The following VAV3 variants were observed in gnomAD, a reference collection of about 807,000 sequenced individuals.
VAV3 encodes guanine nucleotide exchange factor VAV3.
VAV3 carries 94 observed loss-of-function variants against 131.2 expected under a neutral mutation model. The ratio of observed to expected loss-of-function variants is 0.72; its 90% CI spans 0.61 to 0.85. The LOEUF (loss-of-function observed/expected upper bound fraction) is 0.85. Ranked by LOEUF, VAV3 falls within the 40% of genes least tolerant of loss-of-function variation. The pLI is 0.00. For missense variants in VAV3, 939 were observed against 1,002.7 expected, an observed-to-expected ratio of 0.94 and a Z score of 0.86; for synonymous variants, 349 against 342.0, an observed-to-expected ratio of 1.02 and a Z score of -0.22.
intron 15 of VAV3, among the ~76,000 whole-genome samples, chr1:107,722,709 TA>T (rs901787591): frequency 1.3e-5 from 2 of 152,154 alleles, no homozygotes; most frequent in African/African-American, 4.8e-5. Context: ...GGTGAGGTTC[TA>T]TGATGAAGAG....
At chr1:107,668,482 T>C (rs1020683840) in intron 19 of VAV3, among the ~76,000 whole-genome samples, 1 of 152,204 alleles carries the variant, frequency 6.6e-6, no homozygotes, top group East Asian at 1.9e-4. Flanking sequence ...AAATAAAGCA[T>C]GTAAAACCTC....
chr1:107,876,946 TG>T (rs1670530620), intron 1 of VAV3, among the ~76,000 whole-genome samples: 1 of 82,526 alleles, frequency 1.2e-5, no homozygotes, highest in Non-Finnish European at 3.1e-5. Context: ...TATCTTGGTT[TG>T]TTTTTTTAAT....
chr1:107,599,984 A>G (rs573536104), intron 24 of VAV3, among the ~76,000 whole-genome samples: 1 of 152,014 alleles, frequency 6.6e-6, no homozygotes, highest in South Asian at 2.1e-4. Flanking sequence ...CCTTCACACC[A>G]ATTAATCATC....
chr1:107,724,009 T>C (rs960972879), intron 15 of VAV3, among the ~76,000 whole-genome samples: 4 of 152,032 alleles, frequency 2.6e-5, no homozygotes, highest in Non-Finnish European at 5.9e-5. Context: ...AAGCAACTTG[T>C]CCAAGGCTCG....
At chr1:107,682,783 T>G (rs1210289050) in intron 19 of VAV3, among the ~76,000 whole-genome samples, 1 of 152,266 alleles carries the variant, frequency 6.6e-6, no homozygotes, top group African/African-American at 2.4e-5. Flanking sequence ...CCCCTTGGTT[T>G]ATCATCAAGT....
At chr1:107,584,798 T>C (rs990785861) in intron 25 of VAV3, among the ~76,000 whole-genome samples, 2 of 152,130 alleles carry the variant, frequency 1.3e-5, no homozygotes, top group Non-Finnish European at 2.9e-5. Flanking sequence ...GAAAACAAAC[T>C]AAGTATAAGG....
At position 107,965,030 on chromosome 1, in the gene VAV3, G is replaced by T; in HGVS notation, c.-161C>A. ...AGGAGCCGCGGCTGACGGGTCGCGG[G>T]CGCCGCGCTAGGCTCGGCTCCGGTC... is the stretch of plus-strand genomic sequence containing the variant. On this transcript the variant is annotated 5_prime_UTR_variant, in exon 1 of 27. Coordinates refer to ENST00000370056, the MANE Select transcript of VAV3 (RefSeq NM_006113.5). The T allele has an allele frequency of 2.3e-6, 1 of 437,050 alleles. No homozygotes were observed. Among genetic ancestry groups the T allele is most frequent in the Non-Finnish European group, 3.1e-6 (1 of 319,178 alleles). 27.1% of individuals were successfully genotyped at this position (437,050 alleles called of 1,614,324 possible).
chr1:107,880,880 T>C lies in VAV3; in HGVS notation c.205-5863A>G, dbSNP rs544125671. 2.0e-5 allele frequency among the ~76,000 whole-genome samples: 3 copies of C among 152,252 alleles called. No homozygotes were observed. The East Asian group carries it at 5.8e-4, about 29-fold the overall frequency. On this transcript the variant is annotated intron_variant, in intron 1 of 26. Transcript: ENST00000370056. ...TTTATGATTATTGGTGTTGTAGTGA[T>C]GTTTCGGTGCTTGCTATGTGTCAAG...
intron 18 of VAV3, among the ~76,000 whole-genome samples, chr1:107,687,169 T>TA (rs905461402): frequency 6.6e-6 from 1 of 152,102 alleles, no homozygotes; most frequent in South Asian, 2.1e-4. Context: ...TATGGCCTAT[T>TA]AAAAAAATCA....
chr1:107,747,227 G>A (rs1453172406), intron 15 of VAV3, among the ~76,000 whole-genome samples: 1 of 152,144 alleles, frequency 6.6e-6, no homozygotes, highest in Non-Finnish European at 1.5e-5. Context: ...TATGGCAACT[G>A]AACAAAATAG....
At chr1:107,950,569 A>G (rs1160753565) in intron 1 of VAV3, among the ~76,000 whole-genome samples, 1 of 152,216 alleles carries the variant, frequency 6.6e-6, no homozygotes, top group Non-Finnish European at 1.5e-5. Context: ...GGCAAGTTGC[A>G]GTGAACACAG....
chr1:107,895,364 T>C (rs1036675601), intron 1 of VAV3, among the ~76,000 whole-genome samples: 2 of 152,228 alleles, frequency 1.3e-5, no homozygotes, highest in African/African-American at 4.8e-5. Context: ...TCATCTGCTG[T>C]TATAAAAATA....
chr1:107,928,821 T>C (rs1183905128), intron 1 of VAV3, among the ~76,000 whole-genome samples: 1 of 152,090 alleles, frequency 6.6e-6, no homozygotes, highest in Non-Finnish European at 1.5e-5. Context: ...GAGAAAGAGA[T>C]AAGGAAGAAA....
At chr1:107,667,072 A>C (rs1229506883) in intron 19 of VAV3, among the ~76,000 whole-genome samples, 1 of 152,240 alleles carries the variant, frequency 6.6e-6, no homozygotes, top group African/African-American at 2.4e-5. Flanking sequence ...CAGCATGGCT[A>C]TGGCCTCGAG....
At chr1:107,930,760 C>G (rs1673393895) in intron 1 of VAV3, among the ~76,000 whole-genome samples, 1 of 152,084 alleles carries the variant, frequency 6.6e-6, no homozygotes, top group African/African-American at 2.4e-5. Flanking sequence ...CACCTAAACC[C>G]ACCGATCAAT....
intron 13 of VAV3, among the ~76,000 whole-genome samples, chr1:107,750,875 GCTGATCATCTATACTT>G (rs1663678359): frequency 6.6e-6 from 1 of 151,924 alleles, no homozygotes; most frequent in South Asian, 2.1e-4. Flanking sequence ...ATGTATCCTA[GCTGATCATCTATACTT>G]GTTACTTCCT....
intron 20 of VAV3, among the ~76,000 whole-genome samples, chr1:107,620,805 C>T (rs1272193307): frequency 1.3e-5 from 2 of 152,088 alleles, no homozygotes; most frequent in Non-Finnish European, 2.9e-5. Flanking sequence ...AATTTTTTAG[C>T]TGATGAAAGT....
chr1:107,823,030 TGGGAA>T (rs1383009549), intron 2 of VAV3, among the ~76,000 whole-genome samples: 6 of 152,168 alleles, frequency 3.9e-5, no homozygotes, highest in African/African-American at 1.4e-4. Flanking sequence ...GGGAAGACTG[TGGGAA>T]TGGATATTCA....
chr1:107,720,070 G>A (rs550643763), intron 15 of VAV3, among the ~76,000 whole-genome samples: 146 of 152,216 alleles, frequency 9.6e-4, no homozygotes, highest in African/African-American at 3.3e-3. Context: ...GGGGTCGGGG[G>A]AATGGGGCAG....
Sources: allele counts gnomAD v4.1 joint callset (sites outside exome capture counted in the v4.1 genomes callset), GRCh38; gene constraint gnomAD v4.1.1; transcripts MANE v1.5; gene names NCBI Gene and HGNC (gene_info 2026-07-23, HGNC 2026-07-21).